PRPS1: variants seen among roughly 807,000 people sequenced by gnomAD.
PRPS1 encodes ribose-phosphate pyrophosphokinase 1.
PRPS1 carries 1 observed loss-of-function variant against 16.9 expected under a neutral mutation model. The ratio of observed to expected loss-of-function variants is 0.06; its 90% CI spans 0.02 to 0.28. The LOEUF (loss-of-function observed/expected upper bound fraction) is 0.28. Among genes scored for constraint, PRPS1 ranks in the 10% least tolerant of loss-of-function variants. The pLI is 1.00. For missense variants in PRPS1, 47 were observed against 254.0 expected, an observed-to-expected ratio of 0.19 and a Z score of 5.54; for synonymous variants, 70 against 90.2, an observed-to-expected ratio of 0.78 and a Z score of 1.27.
intron 2 of PRPS1, among the ~76,000 whole-genome samples, 188 bp downstream of exon 2, chrX:107,639,666 G>C (rs966136033): frequency 8.9e-6 from 1 of 112,111 alleles, no homozygotes; most frequent in East Asian, 2.8e-4. Context: ...TTTGTAGTCT[G>C]TATTTTATTA....
At chrX:107,644,963 C>T (rs1925657158) in intron 4 of PRPS1, among the ~76,000 whole-genome samples, 1 of 110,861 alleles carries the variant, frequency 9.0e-6, no homozygotes, top group South Asian at 3.8e-4. Flanking sequence ...TACAGGCGCC[C>T]GCCACCATGC....
intron 3 of PRPS1, 146 bp from the exon 4 acceptor site, chrX:107,642,217 CTTT>C: frequency 7.2e-6 from 6 of 830,338 alleles, no homozygotes; most frequent in Non-Finnish European, 1.0e-5. Flanking sequence ...TTCAAGGAGG[CTTT>C]TATAATCTAC....
At chrX:107,643,305 C>T (rs1379076813) in intron 4 of PRPS1, among the ~76,000 whole-genome samples, 1 of 112,162 alleles carries the variant, frequency 8.9e-6, no homozygotes, top group African/African-American at 3.2e-5. Flanking sequence ...CATGTAATTG[C>T]TAGTTACCAT....
At chrX:107,643,604 G>C (rs909887925) in intron 4 of PRPS1, among the ~76,000 whole-genome samples, 1 of 111,222 alleles carries the variant, frequency 9.0e-6, no homozygotes. Flanking sequence ...AGAGATCCCT[G>C]TGTGATATTC....
chrX:107,642,672 T>A (rs1423712752), intron 4 of PRPS1, 182 bp downstream of exon 4: 1 of 508,032 alleles, frequency 2.0e-6, no homozygotes, highest in Non-Finnish European at 3.2e-6. Context: ...CAGTTACTAC[T>A]CGGAAGACAA....
intron 5 of PRPS1, 131 bp downstream of exon 5, chrX:107,645,481 C>A: frequency 2.6e-6 from 2 of 755,425 alleles, no homozygotes; most frequent in Non-Finnish European, 4.0e-6. Context: ...TTTTTATCAC[C>A]CAAGGCTTAA....
chrX:107,636,503 T>G (rs1048153491), intron 1 of PRPS1: 1 of 112,527 alleles, frequency 8.9e-6, no homozygotes, highest in Non-Finnish European at 1.9e-5. Flanking sequence ...TTTAATTGGT[T>G]TCTAGTTTGA....
At position 107,650,937 on chromosome X, in the gene PRPS1, G is replaced by A. The variant is rs1297900877; in HGVS notation, c.*905G>A. 1 of 243,265 alleles carries A rather than the reference G, an allele frequency of 4.1e-6. No homozygotes were observed. The highest frequency in any genetic ancestry group is 6.9e-5 in the Admixed American group (1 of 14,472). 20.0% of individuals were successfully genotyped at this position (243,265 alleles called of 1,213,427 possible). ...CATCTTCCTTCTTTGGATCTATTTG[G>A]CCTCTCAAATGAACTGAGATTCCTG... On this transcript the variant is annotated 3_prime_UTR_variant, in exon 7 of 7. Transcript: ENST00000372435.
chrX:107,644,035 G>A (rs1925634394), intron 4 of PRPS1, among the ~76,000 whole-genome samples: 1 of 111,978 alleles, frequency 8.9e-6, no homozygotes, highest in Admixed American at 9.5e-5. Context: ...CACACATGAC[G>A]GAGATGGCAC....
chrX:107,649,578 C>A (rs1010816412), intron 6 of PRPS1, among the ~76,000 whole-genome samples: 1 of 111,956 alleles, frequency 8.9e-6, no homozygotes, highest in Non-Finnish European at 1.9e-5. Flanking sequence ...CCTCAGCCTC[C>A]CGAGTAGCTG....
At chrX:107,632,364 G>A (rs1018587875) in intron 1 of PRPS1, among the ~76,000 whole-genome samples, 2 of 112,389 alleles carry the variant, frequency 1.8e-5, no homozygotes, top group African/African-American at 6.5e-5. Context: ...GTTGTGGTTA[G>A]TTAATCCCAT....
intron 1 of PRPS1, among the ~76,000 whole-genome samples, chrX:107,630,738 AACACACAC>A (rs111543861): frequency 4.3e-4 from 41 of 95,936 alleles, no homozygotes; most frequent in South Asian, 9.8e-4. Flanking sequence ...TTATTTAGGA[AACACACAC>A]ACACACACAC....
Position 107,649,931 on chromosome X carries a change from C to T in PRPS1, c.865-9C>T. Reference sequence around the variant, plus strand: ...GATAGTAACCTGATTTCCTTTCTTGCCTTTCTAGGTGATTGACATCTCTAT... The same window carrying T: ...GATAGTAACCTGATTTCCTTTCTTGTCTTTCTAGGTGATTGACATCTCTAT... On this transcript the variant is annotated splice_polypyrimidine_tract_variant and intron_variant, in intron 6 of 6. Transcript: ENST00000372435. 8.3e-7 allele frequency: 1 copy of T among 1,211,344 alleles called. No individual in the cohort carries two copies. Among genetic ancestry groups the T allele is most frequent in the South Asian group, 1.8e-5 (1 of 57,018 alleles).
chrX:107,644,916 G>A (rs1418207678), intron 4 of PRPS1, among the ~76,000 whole-genome samples: 1 of 110,936 alleles, frequency 9.0e-6, no homozygotes, highest in Non-Finnish European at 1.9e-5. Flanking sequence ...CTGGGTTCAC[G>A]CCATTTTCCT....
intron 6 of PRPS1, among the ~76,000 whole-genome samples, chrX:107,649,039 A>T (rs889771371): frequency 1.8e-5 from 2 of 110,071 alleles, no homozygotes; most frequent in African/African-American, 6.6e-5. Context: ...GATTACAGGC[A>T]TGAGCCACCA....
chrX:107,647,741 G>A lies in PRPS1; in HGVS notation c.840G>A (p.Lys280=), dbSNP rs769464194. ...VVTNTIPQED[K]MKHCSKIQVI... ...CCAATACCATACCTCAGGAGGACAA[G>A]ATGAAGCATTGCTCCAAAATACAGG... The change falls in exon 6 of 7, where the codon AAG becomes AAA. Residue 280 remains lysine (K), a synonymous_variant. Transcript: ENST00000372435. 1.7e-6 allele frequency: 2 copies of A among 1,210,035 alleles called. No homozygotes were observed. Among genetic ancestry groups the A allele is most frequent in the African/African-American group, 3.5e-5 (2 of 57,270 alleles).
intron 1 of PRPS1, among the ~76,000 whole-genome samples, chrX:107,637,712 T>C (rs970545450): frequency 9.1e-6 from 1 of 109,627 alleles, no homozygotes; most frequent in Admixed American, 9.9e-5. Flanking sequence ...TGGAGTAAAC[T>C]GAGGCAGTGA....
intron 1 of PRPS1, 119 bp downstream of exon 1, chrX:107,628,869 C>T: frequency 1.0e-6 from 1 of 1,002,289 alleles, no homozygotes; most frequent in African/African-American, 1.9e-5. Flanking sequence ...GGGTGCAGCT[C>T]TGTGACTAGC....
rs576933222 is a variant in PRPS1 at position 107,650,210 on chromosome X, G to A, written c.*178G>A. Reference sequence around the variant, plus strand: ...AAAGACGGATTGAGATTAACTGCTGGGACCTCCTACCTGCATTATCTCATT... The same window carrying A: ...AAAGACGGATTGAGATTAACTGCTGAGACCTCCTACCTGCATTATCTCATT... On this transcript the variant is annotated 3_prime_UTR_variant, in exon 7 of 7. Transcript: ENST00000372435. 605 of 865,899 alleles carry A rather than the reference G, an allele frequency of 7.0e-4. 3 individuals are homozygous for A. The South Asian group carries it at 0.014, about 20-fold the overall frequency. The allele number at this position is 865,899 out of a possible 1,213,427, so 71.4% of individuals were successfully genotyped here.
Sources: allele counts gnomAD v4.1 joint callset (sites outside exome capture counted in the v4.1 genomes callset), GRCh38; gene constraint gnomAD v4.1.1; transcripts MANE v1.5; gene names NCBI Gene and HGNC (gene_info 2026-07-23, HGNC 2026-07-21).